Variants in UPRT observed in about 807,000 individuals in gnomAD.
UPRT encodes uracil phosphoribosyltransferase homolog, also known as RP11-311P8.3.
UPRT carries 5 observed loss-of-function variants against 22.6 expected under a neutral mutation model. That is an observed-to-expected ratio of 0.22 (90% CI 0.12 to 0.47). UPRT has a LOEUF of 0.47. UPRT is among the 20% of genes least tolerant of loss of function. The probability of loss-of-function intolerance (pLI) is 0.99; values close to 1 mark genes in which losing one functional copy is unlikely to be tolerated. For missense variants in UPRT, 181 were observed against 239.9 expected, an observed-to-expected ratio of 0.75 and a Z score of 1.62; for synonymous variants, 77 against 87.7, an observed-to-expected ratio of 0.88 and a Z score of 0.68.
intron 4 of UPRT, among the ~76,000 whole-genome samples, chrX:75,178,376 C>T (rs971825065): frequency 1.3e-4 from 14 of 111,523 alleles, no homozygotes; most frequent in Non-Finnish European, 1.1e-4. Flanking sequence ...CACCGCTCAG[C>T]GATAGGCGAT....
intron 4 of UPRT, among the ~76,000 whole-genome samples, chrX:75,250,905 A>G (rs768177149): frequency 7.1e-5 from 8 of 112,251 alleles, no homozygotes; most frequent in African/African-American, 2.6e-4. Flanking sequence ...GACTAGTTCA[A>G]CATATGCAAA....
At chrX:75,221,739 T>C (rs897468618) in intron 4 of UPRT, among the ~76,000 whole-genome samples, 1 of 112,006 alleles carries the variant, frequency 8.9e-6, no homozygotes, top group Admixed American at 9.5e-5. Flanking sequence ...TTGAATTTAT[T>C]TGAGCTTCCT....
At chrX:75,206,856 G>A (rs778976653) in intron 4 of UPRT, among the ~76,000 whole-genome samples, 71 of 111,289 alleles carry the variant, frequency 6.4e-4, no homozygotes, top group Non-Finnish European at 1.1e-3. Context: ...AGTAGAGATG[G>A]GGTTTCACCG....
At position 75,303,381 on chromosome X, in the gene UPRT, A is replaced by G; in HGVS notation, c.824-24A>G. 2.6e-6 allele frequency: 3 copies of G among 1,149,162 alleles called. No individual in the cohort carries two copies. The East Asian group carries it at 9.0e-5, about 35-fold the overall frequency. 94.7% of individuals were successfully genotyped at this position (1,149,162 alleles called of 1,213,427 possible). On this transcript the variant is annotated intron_variant, in intron 6 of 6. Transcript: ENST00000373383. The stretch of plus-strand genomic sequence containing the variant: ...ACTGGTGTTACCAAAACATCCTACC[A>G]TAATAACTTTTGTTTTTTTGAAGGT...
At chrX:75,250,773 G>T (rs1474244080) in intron 4 of UPRT, among the ~76,000 whole-genome samples, 2 of 111,635 alleles carry the variant, frequency 1.8e-5, no homozygotes, top group African/African-American at 6.5e-5. Context: ...GAGAATTTTA[G>T]ACTAATATCC....
At chrX:75,282,276 C>A (rs1438585263) in intron 1 of UPRT, among the ~76,000 whole-genome samples, 2 of 108,838 alleles carry the variant, frequency 1.8e-5, no homozygotes, top group Non-Finnish European at 3.8e-5. Flanking sequence ...CTGCTCTGAT[C>A]TTGGTTATTT....
At chrX:75,255,241 G>A (rs2147665244) in intron 4 of UPRT, among the ~76,000 whole-genome samples, 1 of 111,289 alleles carries the variant, frequency 9.0e-6, no homozygotes, top group African/African-American at 3.3e-5. Flanking sequence ...GAAGAATTTT[G>A]TATGCAGTGA....
At chrX:75,196,572 GT>G (rs1388682243) in intron 4 of UPRT, among the ~76,000 whole-genome samples, 1 of 112,217 alleles carries the variant, frequency 8.9e-6, no homozygotes, top group African/African-American at 3.2e-5. Context: ...AAGAGGCCGA[GT>G]TGGTGGCTCA....
At chrX:75,210,053 G>T (rs2082376399) in intron 4 of UPRT, among the ~76,000 whole-genome samples, 4 of 111,755 alleles carry the variant, frequency 3.6e-5, no homozygotes, top group African/African-American at 1.3e-4. Context: ...TGGTATTAGG[G>T]CTTAAGGTGG....
chrX:75,179,590 C>T (rs962539180), intron 4 of UPRT, among the ~76,000 whole-genome samples: 7 of 113,051 alleles, frequency 6.2e-5, no homozygotes, highest in African/African-American at 2.2e-4. Flanking sequence ...CGGGGAGGCT[C>T]GGGCCGCACA....
intron 6 of UPRT, among the ~76,000 whole-genome samples, chrX:75,302,129 G>A (rs2082746265): frequency 9.0e-6 from 1 of 111,368 alleles, no homozygotes; most frequent in Non-Finnish European, 1.9e-5. Context: ...AGTATATCTA[G>A]TTGGGAAAGC....
rs774809435 is a variant in UPRT, at chrX:75,198,202, G to T, written c.-447+30323G>T. Reference sequence around the variant, plus strand: ...TTACTGATATTTAAACAATATGGAGGCATCTCCCAGACGTTATGTTGAGTG... The same window carrying T: ...TTACTGATATTTAAACAATATGGAGTCATCTCCCAGACGTTATGTTGAGTG... On this transcript the variant is annotated intron_variant, in intron 4 of 13. Coordinates refer to the UPRT transcript ENST00000652605. 4.4e-5 allele frequency among the ~76,000 whole-genome samples: 5 copies of T among 112,596 alleles called. No individual in the cohort carries two copies. In the East Asian group the frequency reaches 1.4e-3, roughly 31 times the overall value.
At chrX:75,222,840 G>T (rs2082414061) in intron 4 of UPRT, among the ~76,000 whole-genome samples, 1 of 110,352 alleles carries the variant, frequency 9.1e-6, no homozygotes, top group South Asian at 3.9e-4. Flanking sequence ...CACTGTGGCT[G>T]AGCTGGTACC....
chrX:75,259,558 G>C (rs1034579498), intron 4 of UPRT, among the ~76,000 whole-genome samples: 2 of 109,167 alleles, frequency 1.8e-5, no homozygotes, highest in African/African-American at 6.7e-5. Context: ...GAAGATCAGA[G>C]AAAAGAGAAT....
chrX:75,256,473 AC>A (rs2082550031), intron 4 of UPRT, among the ~76,000 whole-genome samples: 1 of 111,219 alleles, frequency 9.0e-6, no homozygotes, highest in Non-Finnish European at 1.9e-5. Flanking sequence ...ACAAGAACCA[AC>A]CAAACCCAAA....
intron 4 of UPRT, among the ~76,000 whole-genome samples, chrX:75,267,542 T>C (rs1042317043): frequency 8.9e-6 from 1 of 111,859 alleles, no homozygotes; most frequent in Non-Finnish European, 1.9e-5. Context: ...AACCTGCACG[T>C]TGTGCACATG....
chrX:75,197,775 T>A (rs1011794936), intron 4 of UPRT, among the ~76,000 whole-genome samples: 1 of 111,842 alleles, frequency 8.9e-6, no homozygotes, highest in African/African-American at 3.2e-5. Flanking sequence ...ATGAAAAACA[T>A]AATGAGATAT....
chrX:75,254,679 C>T (rs1322659473), intron 4 of UPRT, among the ~76,000 whole-genome samples: 1 of 110,093 alleles, frequency 9.1e-6, no homozygotes, highest in African/African-American at 3.3e-5. Flanking sequence ...GCACAAAGAA[C>T]ATCTGGGAAA....
chrX:75,166,684 T>G (rs887263046), intron 3 of UPRT, among the ~76,000 whole-genome samples: 2 of 112,140 alleles, frequency 1.8e-5, no homozygotes, highest in African/African-American at 6.5e-5. Context: ...TCCAAGCAGC[T>G]ACCACCCAGG....
Sources: allele counts gnomAD v4.1 joint callset (sites outside exome capture counted in the v4.1 genomes callset), GRCh38; gene constraint gnomAD v4.1.1; transcripts MANE v1.5; gene names NCBI Gene and HGNC (gene_info 2026-07-23, HGNC 2026-07-21).